Variants in VPS8 observed in about 807,000 individuals in gnomAD.
VPS8 encodes VPS8 subunit of CORVET complex.
A neutral mutation model predicts 216.4 loss-of-function variants in VPS8; 129 were observed. The observed-to-expected ratio is 0.60, with a 90% CI of 0.52 to 0.69. The LOEUF (loss-of-function observed/expected upper bound fraction) is 0.69, where lower values mean the gene tolerates loss of function less well. VPS8 is among the 30% of genes least tolerant of loss of function. The pLI is 0.00. For synonymous variants in VPS8, 571 were observed against 565.4 expected, an observed-to-expected ratio of 1.01 and a Z score of -0.14; for missense variants, 1,531 against 1,683.5, an observed-to-expected ratio of 0.91 and a Z score of 1.59.
chr3:185,012,674 AAG>A (rs1755191336), intron 45 of VPS8, among the ~76,000 whole-genome samples: 1 of 152,084 alleles, frequency 6.6e-6, no homozygotes, highest in South Asian at 2.1e-4. Flanking sequence ...TAAAAAAAAA[AAG>A]AGGCCAGAAG....
intron 37 of VPS8, 109 bp from the exon 38 acceptor site, chr3:184,964,359 A>G: frequency 1.8e-6 from 1 of 547,070 alleles, no homozygotes. Flanking sequence ...TCATACTAAT[A>G]AGGTATAAAT....
chr3:184,972,413 G>A (rs1445359240), intron 40 of VPS8, among the ~76,000 whole-genome samples: 4 of 152,202 alleles, frequency 2.6e-5, no homozygotes, highest in African/African-American at 9.6e-5. Context: ...AAGTAGGCAT[G>A]AAGAACTGGA....
chr3:184,962,738 T>A (rs1340771260), intron 37 of VPS8, among the ~76,000 whole-genome samples: 1 of 137,104 alleles, frequency 7.3e-6, no homozygotes, highest in Non-Finnish European at 1.7e-5. Context: ...TGTGTGTGTG[T>A]GTGTGTGTGT....
intron 21 of VPS8, 136 bp from the exon 22 acceptor site, chr3:184,885,974 C>A (rs1560525298): frequency 1.1e-6 from 1 of 908,060 alleles, no homozygotes; most frequent in Non-Finnish European, 1.7e-6. Context: ...CACATAATGC[C>A]AAATTGCTTA....
intron 45 of VPS8, among the ~76,000 whole-genome samples, chr3:185,004,370 C>T (rs903719944): frequency 6.6e-5 from 10 of 152,284 alleles, no homozygotes; most frequent in Non-Finnish European, 1.5e-4. Flanking sequence ...ATCGCAGGCA[C>T]TCGGCAGGCT....
chr3:184,990,278 C>G (rs1312291478), intron 42 of VPS8, among the ~76,000 whole-genome samples: 2 of 152,094 alleles, frequency 1.3e-5, no homozygotes, highest in African/African-American at 4.8e-5. Flanking sequence ...TGCCTTTCCA[C>G]CCTCACTGCA....
chr3:184,835,602 A>G (rs1296978009), intron 5 of VPS8, among the ~76,000 whole-genome samples: 3 of 152,176 alleles, frequency 2.0e-5, no homozygotes, highest in African/African-American at 7.2e-5. Context: ...AATGATAATG[A>G]CAGATTTATA....
chr3:184,877,872 C>A lies in VPS8; in HGVS notation c.1734+7067C>A, dbSNP rs1000895864. Among the ~76,000 whole-genome samples the A allele has an allele frequency of 2.0e-5, 3 of 152,190 alleles. 1 individual carries two copies. Among genetic ancestry groups the A allele is most frequent in the South Asian group, 4.2e-4 (2 of 4,816 alleles). On this transcript the variant is annotated intron_variant, in intron 21 of 47. Transcript: ENST00000625842. ...AAAATACAAATGAATTTTAGCATAA[C>A]CATGGTAAATATACCTGAACAATTG...
At chr3:184,839,173 C>T (rs183819812) in intron 6 of VPS8, 1 of 181,940 alleles carries the variant, frequency 5.5e-6, no homozygotes. Flanking sequence ...TTGTAGAGAA[C>T]TAGGGGATAT....
At chr3:184,854,050 G>A in intron 12 of VPS8, 40 bp downstream of exon 12, 1 of 1,612,576 alleles carries the variant, frequency 6.2e-7, no homozygotes, top group Non-Finnish European at 8.5e-7. Flanking sequence ...ACTTTTAGAA[G>A]CTTTGAATAC....
chr3:185,040,063 C>T (rs1759434539), intron 46 of VPS8, among the ~76,000 whole-genome samples: 1 of 152,100 alleles, frequency 6.6e-6, no homozygotes, highest in Non-Finnish European at 1.5e-5. Context: ...TAAACAACCA[C>T]CTCTCATGGG....
intron 45 of VPS8, among the ~76,000 whole-genome samples, chr3:185,013,569 T>C (rs1024988821): frequency 4.6e-5 from 7 of 152,254 alleles, no homozygotes; most frequent in African/African-American, 1.4e-4. Context: ...AATTTTGCAA[T>C]AGCCGAAGAC....
chr3:185,030,676 T>C (rs1455422990), intron 46 of VPS8, among the ~76,000 whole-genome samples: 1 of 152,232 alleles, frequency 6.6e-6, no homozygotes, highest in African/African-American at 2.4e-5. Flanking sequence ...TAATGGTGAC[T>C]GAACTGGTGG....
chr3:184,938,078 A>AG (rs1420700780), intron 35 of VPS8, among the ~76,000 whole-genome samples: 20 of 152,320 alleles, frequency 1.3e-4, no homozygotes, highest in Admixed American at 4.6e-4. Flanking sequence ...AGAGAGAAGA[A>AG]GGTCTAGGCA....
At chr3:184,832,163 C>G (rs1720132129) in intron 3 of VPS8, among the ~76,000 whole-genome samples, 1 of 152,142 alleles carries the variant, frequency 6.6e-6, no homozygotes, top group African/African-American at 2.4e-5. Context: ...TGCTTATATC[C>G]TCCAGACATT....
intron 25 of VPS8, among the ~76,000 whole-genome samples, chr3:184,910,155 C>T (rs1285550175): frequency 3.4e-5 from 4 of 119,206 alleles, no homozygotes; most frequent in Admixed American, 9.7e-5. Context: ...TTTTTTGAGA[C>T]GGAGTCTCAT....
chr3:184,996,620 C>T, intron 44 of VPS8, 119 bp downstream of exon 44: 1 of 1,182,032 alleles, frequency 8.5e-7, no homozygotes, highest in Non-Finnish European at 1.2e-6. Context: ...AGGCAAGTTC[C>T]TGCCCTCACA....
intron 24 of VPS8, 34 bp downstream of exon 24, chr3:184,898,688 T>C: frequency 6.8e-7 from 1 of 1,470,944 alleles, no homozygotes; most frequent in Non-Finnish European, 9.1e-7. Flanking sequence ...ACGTAATTAA[T>C]TTTGTCTACT....
intron 36 of VPS8, among the ~76,000 whole-genome samples, chr3:184,953,844 G>A (rs574894180): frequency 6.6e-6 from 1 of 152,120 alleles, no homozygotes; most frequent in Admixed American, 6.5e-5. Context: ...AGGGAAAGGT[G>A]TGTGGCAGGC....
Sources: allele counts gnomAD v4.1 joint callset (sites outside exome capture counted in the v4.1 genomes callset), GRCh38; gene constraint gnomAD v4.1.1; transcripts MANE v1.5; gene names NCBI Gene and HGNC (gene_info 2026-07-23, HGNC 2026-07-21).